ROBO2: variants seen among roughly 807,000 people sequenced by gnomAD.
ROBO2 encodes the protein roundabout homolog 2.
Under a neutral mutation model 160.8 loss-of-function variants are expected in ROBO2, and 53 were observed. The observed-to-expected ratio is 0.33, with a 90% CI of 0.26 to 0.41. The LOEUF is 0.41. ROBO2 is among the 10% of genes least tolerant of loss of function. ROBO2 has a pLI of 1.00. For synonymous variants in ROBO2, 664 were observed against 611.7 expected, an observed-to-expected ratio of 1.09 and a Z score of -1.26; for missense variants, 1,577 against 1,722.4, an observed-to-expected ratio of 0.92 and a Z score of 1.49.
At chr3:77,392,995 A>G (rs1032427903) in intron 2 of ROBO2, among the ~76,000 whole-genome samples, 2 of 152,138 alleles carry the variant, frequency 1.3e-5, no homozygotes, top group Non-Finnish European at 2.9e-5. Flanking sequence ...AGAAGACTGT[A>G]ATCACATTTT....
chr3:76,382,057 A>G (rs545734088), intron 2 of ROBO2, among the ~76,000 whole-genome samples: 17 of 152,084 alleles, frequency 1.1e-4, no homozygotes, highest in East Asian at 9.7e-4. Context: ...CTACAACCTC[A>G]ATGTCCCAGG....
In ROBO2 at chr3:76,229,237, T is replaced by C. The variant is rs370855663; in HGVS notation, c.109+291635T>C. On this transcript the variant is annotated intron_variant, in intron 2 of 26. Coordinates refer to the ROBO2 transcript ENST00000487694. Reference sequence around the variant, plus strand: ...TTATTCTTGTATCTTTATCTCAGTGTTGCAAACCAGAATTTTTATTTGCCT... The same window carrying C: ...TTATTCTTGTATCTTTATCTCAGTGCTGCAAACCAGAATTTTTATTTGCCT... 7.2e-5 allele frequency among the ~76,000 whole-genome samples: 11 copies of C among 152,306 alleles called. No individual in the cohort carries two copies. The South Asian group carries it at 2.3e-3, about 32-fold the overall frequency.
chr3:76,124,766 T>C (rs1016787786), intron 2 of ROBO2, among the ~76,000 whole-genome samples: 15 of 152,176 alleles, frequency 9.9e-5, no homozygotes, highest in African/African-American at 3.6e-4. Context: ...TATATTTTTT[T>C]CTGATCTGAA....
At chr3:77,321,074 A>G (rs1431374922) in intron 2 of ROBO2, among the ~76,000 whole-genome samples, 6 of 152,180 alleles carry the variant, frequency 3.9e-5, no homozygotes, top group Non-Finnish European at 7.4e-5. Context: ...GATTTTTTTC[A>G]TAATTTATTG....
At chr3:76,721,437 A>T (rs1428531400) in intron 2 of ROBO2, among the ~76,000 whole-genome samples, 2 of 152,062 alleles carry the variant, frequency 1.3e-5, no homozygotes, top group African/African-American at 4.8e-5. Flanking sequence ...TGTCGTTGTG[A>T]TATATTAGTA....
At chr3:76,724,605 A>T (rs529653952) in intron 2 of ROBO2, among the ~76,000 whole-genome samples, 1 of 152,240 alleles carries the variant, frequency 6.6e-6, no homozygotes, top group East Asian at 1.9e-4. Flanking sequence ...TTCCTGTTTC[A>T]TACCTCCAGA....
intron 2 of ROBO2, among the ~76,000 whole-genome samples, chr3:76,078,546 G>T (rs1405698020): frequency 6.6e-6 from 1 of 151,848 alleles, no homozygotes; most frequent in South Asian, 2.1e-4. Flanking sequence ...TCATCCTTTT[G>T]TAGAGACAGG....
chr3:76,564,428 T>C (rs2084388080), intron 2 of ROBO2, among the ~76,000 whole-genome samples: 3 of 151,328 alleles, frequency 2.0e-5, no homozygotes, highest in Non-Finnish European at 4.4e-5. Context: ...ATTAGAGTAA[T>C]TCACTGCCCA....
chr3:76,222,059 G>T (rs1704000952), intron 2 of ROBO2, among the ~76,000 whole-genome samples: 1 of 152,172 alleles, frequency 6.6e-6, no homozygotes, highest in African/African-American at 2.4e-5. Flanking sequence ...TAATCTGCCA[G>T]TGGTGGCCAT....
At chr3:75,939,025 G>A (rs2107040760) in intron 2 of ROBO2, among the ~76,000 whole-genome samples, 1 of 152,142 alleles carries the variant, frequency 6.6e-6, no homozygotes, top group South Asian at 2.1e-4. Context: ...TTATTTCTCT[G>A]GTAATGTGTA....
chr3:76,739,891 T>C (rs1276035447), intron 2 of ROBO2, among the ~76,000 whole-genome samples: 1 of 152,214 alleles, frequency 6.6e-6, no homozygotes, highest in African/African-American at 2.4e-5. Flanking sequence ...ACACTTTATG[T>C]AGAACTAAAT....
At chr3:77,601,425 T>G (rs2094427746) in intron 19 of ROBO2, among the ~76,000 whole-genome samples, 1 of 152,214 alleles carries the variant, frequency 6.6e-6, no homozygotes, top group Non-Finnish European at 1.5e-5. Context: ...TTCTGAATTA[T>G]AAAGCATCAT....
intron 2 of ROBO2, among the ~76,000 whole-genome samples, chr3:76,138,917 CT>C (rs2071527994): frequency 4.6e-5 from 7 of 152,110 alleles, no homozygotes; most frequent in Admixed American, 4.6e-4. Flanking sequence ...AATCCTTTAT[CT>C]GATCAATGGT....
intron 1 of ROBO2, among the ~76,000 whole-genome samples, chr3:75,915,698 G>A (rs1946783353): frequency 6.6e-6 from 1 of 152,064 alleles, no homozygotes; most frequent in Admixed American, 6.6e-5. Context: ...CATTTGCATA[G>A]GACTTGATTT....
intron 2 of ROBO2, among the ~76,000 whole-genome samples, chr3:76,812,363 A>AC (rs1424040800): frequency 6.7e-6 from 1 of 150,166 alleles, no homozygotes; most frequent in East Asian, 2.0e-4. Context: ...AAAAAAAAAA[A>AC]CGTGTTTGAA....
In ROBO2 at chr3:77,162,481, G is replaced by C. The variant is rs115591398; in HGVS notation, c.388+64141G>C. ...GTTTCATTAAAATAGCTTTCAGGCAGATAAACAACTGTTTCCGTACGTAAG... is the reference window on the plus strand; with the variant it reads ...GTTTCATTAAAATAGCTTTCAGGCACATAAACAACTGTTTCCGTACGTAAG... On this transcript the variant is annotated intron_variant, in intron 2 of 25. Coordinates refer to ENST00000461745, the Ensembl canonical transcript of ROBO2. Among the ~76,000 whole-genome samples the C allele has an allele frequency of 3.9e-3, 592 of 152,284 alleles. 1 individual carries two copies. Among genetic ancestry groups the C allele is most frequent in the African/African-American group, 0.011 (477 of 41,560 alleles).
intron 2 of ROBO2, among the ~76,000 whole-genome samples, chr3:77,306,841 T>C (rs186224120): frequency 3.9e-4 from 59 of 152,346 alleles, no homozygotes; most frequent in Admixed American, 2.8e-3. Context: ...AACATTTTTT[T>C]CTAGAATTCT....
intron 2 of ROBO2, among the ~76,000 whole-genome samples, chr3:77,021,895 C>CT (rs1165461690): frequency 6.6e-6 from 1 of 152,134 alleles, no homozygotes; most frequent in East Asian, 1.9e-4. Flanking sequence ...GATGAAGCCC[C>CT]TTGATCTTGG....
chr3:77,450,398 T>G (rs890872091), intron 2 of ROBO2, among the ~76,000 whole-genome samples: 1 of 152,062 alleles, frequency 6.6e-6, no homozygotes, highest in Non-Finnish European at 1.5e-5. Context: ...GAATATCACT[T>G]TCTGAAACTC....
Sources: gnomAD v4.1 joint callset for allele counts (sites outside exome capture counted in the v4.1 genomes callset) on GRCh38, gnomAD v4.1.1 for gene constraint, MANE v1.5 for transcripts, NCBI Gene and HGNC (gene_info 2026-07-23, HGNC 2026-07-21) for gene names.